CAMKMT: variants seen among roughly 807,000 people sequenced by gnomAD.
The protein encoded by CAMKMT is CaM KMT.
CAMKMT carries 53 observed loss-of-function variants against 48.0 expected under a neutral mutation model. The observed-to-expected ratio is 1.10, with a 90% CI of 0.89 to 1.39. The LOEUF (loss-of-function observed/expected upper bound fraction) is 1.39, where lower values mean the gene tolerates loss of function less well. Ranked by LOEUF, CAMKMT falls within the 40% of genes most tolerant of loss-of-function variation. The pLI is 0.00. For synonymous variants in CAMKMT, 165 were observed against 152.3 expected (o/e 1.08, Z -0.61); for missense variants, 428 against 402.7 (o/e 1.06, Z -0.54).
chr2:44,445,132 C>A lies in CAMKMT; in HGVS notation c.376+54827C>A, dbSNP rs997141938. The stretch of plus-strand genomic sequence containing the variant: ...CTAATATTCATGGCATAAATGAGGT[C>A]CCGGGAACTCCAAGGCTACTGACAG... On this transcript the variant is annotated intron_variant, in intron 3 of 10. Coordinates refer to ENST00000378494, the MANE Select transcript of CAMKMT (RefSeq NM_024766.5). 5.5e-4 allele frequency among the ~76,000 whole-genome samples: 83 copies of A among 152,274 alleles called. 1 individual carries two copies. Among genetic ancestry groups the A allele is most frequent in the African/African-American group, 2.0e-3 (82 of 41,556 alleles).
intron 3 of CAMKMT, among the ~76,000 whole-genome samples, chr2:44,650,191 T>C (rs1400450143): frequency 6.6e-6 from 1 of 151,946 alleles, no homozygotes; most frequent in Non-Finnish European, 1.5e-5. Context: ...CCTAGGGGAG[T>C]CCGTCACTGC....
chr2:44,402,740 G>GTTTTTTTTTTTTTTTTTTTTTTTTTTTTT, intron 3 of CAMKMT, among the ~76,000 whole-genome samples: 3 of 94,106 alleles, frequency 3.2e-5, no homozygotes, highest in Non-Finnish European at 4.3e-5. Flanking sequence ...TTGTTTTGCT[G>GTTTTTTTTTTTTTTTTTTTTTTTTTTTTT]TTTTTTTTTT....
At position 44,388,579 on chromosome 2, in the gene CAMKMT, G is replaced by A. The variant is rs554082351; in HGVS notation, c.312-1662G>A. 1.4e-4 allele frequency among the ~76,000 whole-genome samples: 21 copies of A among 152,258 alleles called. No homozygotes were observed. The East Asian group carries it at 3.5e-3, about 25-fold the overall frequency. On this transcript the variant is annotated intron_variant, in intron 2 of 10. Transcript: ENST00000378494. Reference sequence around the variant, plus strand: ...GTGATTTTTTTGGGGGTGCTAAAGAGCCTTGTTTAGTCACATTAACAGGGT... The same window carrying A: ...GTGATTTTTTTGGGGGTGCTAAAGAACCTTGTTTAGTCACATTAACAGGGT...
Position 44,485,513 on chromosome 2 carries a change from T to A in CAMKMT, c.376+95208T>A, listed in dbSNP as rs560663020. Among the ~76,000 whole-genome samples, 128 of 152,278 alleles carry A rather than the reference T, an allele frequency of 8.4e-4. 1 individual carries two copies. Among genetic ancestry groups the A allele is most frequent in the African/African-American group, 3.0e-3 (126 of 41,560 alleles). Reference sequence around the variant, plus strand: ...TTCTGAGAAATGTGTCCTTAGGCAATTTTGTTGTGCGAACATCATAGAGTG... The same window carrying A: ...TTCTGAGAAATGTGTCCTTAGGCAAATTTGTTGTGCGAACATCATAGAGTG... On this transcript the variant is annotated intron_variant, in intron 3 of 10. Coordinates refer to ENST00000378494, the MANE Select transcript of CAMKMT (RefSeq NM_024766.5).
At chr2:44,549,698 G>A in intron 3 of CAMKMT, 1 of 536,190 alleles carries the variant, frequency 1.9e-6, no homozygotes. Context: ...ATTGGCTTAA[G>A]GATTAAGGAT....
chr2:44,587,927 G>T (rs1217430006), intron 3 of CAMKMT, among the ~76,000 whole-genome samples: 5 of 104,058 alleles, frequency 4.8e-5, no homozygotes, highest in Admixed American at 1.0e-4. Flanking sequence ...GAGCGTCTCT[G>T]CCTGGTCCCC....
chr2:44,718,907 G>A (rs1678313133), intron 7 of CAMKMT, among the ~76,000 whole-genome samples: 2 of 152,040 alleles, frequency 1.3e-5, no homozygotes, highest in African/African-American at 2.4e-5. Flanking sequence ...CCTTTATGTG[G>A]GCCCCCAAGA....
chr2:44,526,078 T>C (rs910819180), intron 3 of CAMKMT, among the ~76,000 whole-genome samples: 1 of 152,046 alleles, frequency 6.6e-6, no homozygotes, highest in Non-Finnish European at 1.5e-5. Flanking sequence ...GATGAGTTCA[T>C]GTCCTTTGTA....
At chr2:44,426,968 A>G (rs1684316347) in intron 3 of CAMKMT, among the ~76,000 whole-genome samples, 1 of 152,202 alleles carries the variant, frequency 6.6e-6, no homozygotes, top group Non-Finnish European at 1.5e-5. Context: ...TGGTACAAAA[A>G]TAGACACATA....
intron 3 of CAMKMT, among the ~76,000 whole-genome samples, chr2:44,476,655 GA>G (rs34856994): frequency 0.61 from 92,376 of 150,416 alleles, 28,395 homozygotes; most frequent in Middle Eastern, 0.7. Context: ...ATTACTTTGT[GA>G]AAAAAAAAAT....
At chr2:44,369,396 T>C (rs1452948805) in intron 1 of CAMKMT, among the ~76,000 whole-genome samples, 1 of 152,154 alleles carries the variant, frequency 6.6e-6, no homozygotes, top group African/African-American at 2.4e-5. Context: ...CACATAAGAA[T>C]TATGCATCTT....
intron 3 of CAMKMT, among the ~76,000 whole-genome samples, chr2:44,642,078 A>G (rs1673479867): frequency 6.6e-6 from 1 of 152,178 alleles, no homozygotes; most frequent in Non-Finnish European, 1.5e-5. Context: ...TTTGTATTTT[A>G]TCATACAGAC....
chr2:44,707,895 A>T (rs769808564), intron 6 of CAMKMT, among the ~76,000 whole-genome samples: 1 of 152,136 alleles, frequency 6.6e-6, no homozygotes, highest in Non-Finnish European at 1.5e-5. Flanking sequence ...ACTGTATAAT[A>T]TTGTGCCTGG....
chr2:44,702,174 G>A (rs768121940), intron 3 of CAMKMT, among the ~76,000 whole-genome samples: 2 of 152,026 alleles, frequency 1.3e-5, no homozygotes, highest in Non-Finnish European at 2.9e-5. Flanking sequence ...ATTCATTATA[G>A]TGGTGATTAT....
chr2:44,720,188 G>A (rs1017358932), intron 7 of CAMKMT, among the ~76,000 whole-genome samples: 2 of 152,162 alleles, frequency 1.3e-5, no homozygotes, highest in African/African-American at 4.8e-5. Flanking sequence ...GTATTAAAAT[G>A]AGCCAGACTT....
At chr2:44,743,153 C>T (rs1158694309) in intron 7 of CAMKMT, among the ~76,000 whole-genome samples, 1 of 152,214 alleles carries the variant, frequency 6.6e-6, no homozygotes, top group East Asian at 1.9e-4. Flanking sequence ...TTTGACTCTT[C>T]TTTTCTTCCA....
intron 7 of CAMKMT, 54 bp downstream of exon 7, chr2:44,715,407 C>A: frequency 1.6e-6 from 2 of 1,266,368 alleles, no homozygotes; most frequent in Non-Finnish European, 2.3e-6. Context: ...TTTCTTGATA[C>A]TATGGATGGT....
At chr2:44,755,565 A>C (rs957483490) in intron 9 of CAMKMT, among the ~76,000 whole-genome samples, 2 of 152,174 alleles carry the variant, frequency 1.3e-5, no homozygotes, top group Admixed American at 6.5e-5. Flanking sequence ...TTCAAAGCCC[A>C]TTTGTGGCAA....
At chr2:44,742,592 C>A (rs1167920437) in intron 7 of CAMKMT, among the ~76,000 whole-genome samples, 1 of 152,150 alleles carries the variant, frequency 6.6e-6, no homozygotes, top group African/African-American at 2.4e-5. Context: ...AACTGCTGCC[C>A]AGCGTGTGTA....
Sources: allele counts gnomAD v4.1 joint callset (sites outside exome capture counted in the v4.1 genomes callset), GRCh38; gene constraint gnomAD v4.1.1; transcripts MANE v1.5; gene names NCBI Gene and HGNC (gene_info 2026-07-23, HGNC 2026-07-21).